Variants in PPP1R3A observed in about 807,000 individuals in gnomAD.
The protein encoded by PPP1R3A is protein phosphatase 1 regulatory subunit 3A.
PPP1R3A carries 29 observed loss-of-function variants against 41.7 expected under a neutral mutation model. That is an observed-to-expected ratio of 0.70 (90% CI 0.52 to 0.95). The LOEUF (loss-of-function observed/expected upper bound fraction) is 0.95, where lower values mean the gene tolerates loss of function less well. Among genes scored for constraint, PPP1R3A ranks in the 40% least tolerant of loss-of-function variants. The pLI, the probability that PPP1R3A is intolerant of heterozygous loss-of-function variation, is 0.00. For synonymous variants in PPP1R3A, 485 were observed against 453.4 expected, an observed-to-expected ratio of 1.07 and a Z score of -0.89; for missense variants, 1,352 against 1,292.4, an observed-to-expected ratio of 1.05 and a Z score of -0.71.
rs979387891 is a variant in PPP1R3A, at chr7:113,891,096, A to C, written c.783-8776T>G. Among the ~76,000 whole-genome samples, 340 of 149,192 alleles carry C rather than the reference A, an allele frequency of 2.3e-3. 2 individuals are homozygous for C. Among genetic ancestry groups the C allele is most frequent in the Middle Eastern group, 6.8e-3 (2 of 292 alleles). On this transcript the variant is annotated intron_variant, in intron 1 of 3. Coordinates refer to ENST00000284601, the MANE Select transcript of PPP1R3A (RefSeq NM_002711.4). ...GGTGGAAAAAAAGCAAAAAAAAAAA[A>C]AAAAAAAAAAAAAAAAAACCCTGCA...
Position 113,904,281 on chromosome 7 carries a change from C to T in PPP1R3A, c.782+13934G>A, listed in dbSNP as rs140993698. ...TAAATCCCAAACCCAGCTTCGCCTG[C>T]TATACATTTCCTGGACTTGATCAAA... is the stretch of plus-strand genomic sequence containing the variant. On this transcript the variant is annotated intron_variant, in intron 1 of 3. Transcript: ENST00000284601. 2.9e-3 allele frequency among the ~76,000 whole-genome samples: 435 copies of T among 151,740 alleles called. 2 individuals are homozygous for T. The highest frequency in any genetic ancestry group is 1.0e-2 in the African/African-American group (415 of 41,502).
chr7:113,897,036 G>A (rs1002728082), intron 1 of PPP1R3A, among the ~76,000 whole-genome samples: 1 of 151,780 alleles, frequency 6.6e-6, no homozygotes, highest in Non-Finnish European at 1.5e-5. Context: ...ATATGTTATG[G>A]TATAACTTTT....
chr7:113,880,583 C>A (rs1215259543), intron 3 of PPP1R3A, among the ~76,000 whole-genome samples: 1 of 152,022 alleles, frequency 6.6e-6, no homozygotes, highest in East Asian at 1.9e-4. Context: ...AGCAAAACGT[C>A]ACTCAAAGAA....
At chr7:113,896,880 A>G (rs1796985348) in intron 1 of PPP1R3A, among the ~76,000 whole-genome samples, 1 of 151,870 alleles carries the variant, frequency 6.6e-6, no homozygotes, top group African/African-American at 2.4e-5. Context: ...AAAAAAACAT[A>G]TGGAGTAAAA....
At position 113,879,679 on chromosome 7, in the gene PPP1R3A, T is replaced by A; in HGVS notation, c.1413A>T (p.Glu471Asp). ...LMAGNLNKKH[E>D]GGAKNIEVKD... ...TTACTTCAATATTTTTAGCTCCTCC[T>A]TCATGTTTTTTATTAAGGTTTCCTG... The change falls in exon 4 of 4, where the codon GAA (glutamate) becomes GAT (aspartate). Residue 471 changes from glutamate to aspartate, a missense_variant. Glu to Asp is a conservative substitution (Grantham distance 45). Transcript: ENST00000284601. 6.2e-7 allele frequency: 1 copy of A among 1,613,218 alleles called. No individual in the cohort carries two copies. The highest frequency in any genetic ancestry group is 8.5e-7 in the Non-Finnish European group (1 of 1,179,660).
chr7:113,912,946 A>G (rs1421470815), intron 1 of PPP1R3A, among the ~76,000 whole-genome samples: 2 of 152,012 alleles, frequency 1.3e-5, no homozygotes. Context: ...CACTCTAGGG[A>G]AAGTCTAGGA....
At chr7:113,906,857 G>T (rs2129119607) in intron 1 of PPP1R3A, among the ~76,000 whole-genome samples, 1 of 151,852 alleles carries the variant, frequency 6.6e-6, no homozygotes, top group South Asian at 2.1e-4. Flanking sequence ...GCAGAAATAG[G>T]CAATATTTAA....
intron 1 of PPP1R3A, among the ~76,000 whole-genome samples, chr7:113,894,801 A>G (rs1796951431): frequency 6.6e-6 from 1 of 151,980 alleles, no homozygotes; most frequent in Non-Finnish European, 1.5e-5. Context: ...AAGTCACCTG[A>G]TTTGTTAAAT....
At chr7:113,893,827 A>G (rs974804366) in intron 1 of PPP1R3A, among the ~76,000 whole-genome samples, 1 of 152,066 alleles carries the variant, frequency 6.6e-6, no homozygotes, top group African/African-American at 2.4e-5. Flanking sequence ...ACTGAAAACA[A>G]GAGGTACTTT....
At chr7:113,900,029 G>T (rs1296428519) in intron 1 of PPP1R3A, among the ~76,000 whole-genome samples, 1 of 151,036 alleles carries the variant, frequency 6.6e-6, no homozygotes, top group African/African-American at 2.4e-5. Context: ...CACTCATGAG[G>T]ATTACCTCTC....
chr7:113,877,587 T>C lies in PPP1R3A; in HGVS notation c.*136A>G. ...AATTACTTATATGAAGGAGCAAACT[T>C]ATTCGCGTCCCTTTTTAAATGATCC... is the stretch of plus-strand genomic sequence containing the variant. On this transcript the variant is annotated 3_prime_UTR_variant, in exon 4 of 4. Coordinates refer to ENST00000284601, the MANE Select transcript of PPP1R3A (RefSeq NM_002711.4). The C allele has an allele frequency of 9.8e-7, 1 of 1,023,482 alleles. No individual in the cohort carries two copies. Among genetic ancestry groups the C allele is most frequent in the Non-Finnish European group, 1.4e-6 (1 of 709,976 alleles). 63.4% of individuals were successfully genotyped at this position (1,023,482 alleles called of 1,614,324 possible).
rs1200768724 is a variant in PPP1R3A at position 113,877,911 on chromosome 7, C to T, written c.3181G>A (p.Ala1061Thr). Reference protein sequence around the residue: ...STSLPVEESQAQGNESLFSKY... With the variant: ...STSLPVEESQTQGNESLFSKY... The stretch of plus-strand genomic sequence containing the variant: ...GAAAACAAAGATTCGTTGCCTTGAG[C>T]TTGACTTTCCTCAACAGGAAGACTA... Residue 1061 changes from alanine (A) to threonine (T), a missense_variant, in exon 4 of 4, where the codon GCT becomes ACT. Physicochemically the swap from Ala to Thr is moderately conservative, Grantham distance 58. Coordinates refer to ENST00000284601, the MANE Select transcript of PPP1R3A (RefSeq NM_002711.4). 3.1e-6 allele frequency: 5 copies of T among 1,613,188 alleles called. No individual in the cohort carries two copies. The highest frequency in any genetic ancestry group is 4.2e-6 in the Non-Finnish European group (5 of 1,179,444).
intron 1 of PPP1R3A, among the ~76,000 whole-genome samples, chr7:113,886,049 A>C (rs1193454736): frequency 6.6e-6 from 1 of 151,364 alleles, no homozygotes; most frequent in Non-Finnish European, 1.5e-5. Context: ...TTAATATTAT[A>C]CTGCTAAGAT....
Position 113,877,977 on chromosome 7 carries a change from A to AC in PPP1R3A, c.3114_3115insG (p.Tyr1039ValfsTer5), listed in dbSNP as rs759820317. The stretch of plus-strand genomic sequence containing the variant: ...TCAGATTCCTTTTCACCTGAAGTGT[A>AC]TAGTGATTGCCCAGAGCTTACTAAT... On this transcript the variant is annotated frameshift_variant, in exon 4 of 4. Transcript: ENST00000284601. LOFTEE classifies it high-confidence loss of function. 1.2e-6 allele frequency: 2 copies of AC among 1,613,372 alleles called. No individual in the cohort carries two copies. Among genetic ancestry groups the AC allele is most frequent in the Non-Finnish European group, 1.7e-6 (2 of 1,179,632 alleles).
Position 113,918,496 on chromosome 7 carries a change from C to T in PPP1R3A, c.501G>A (p.Gln167=). The change falls in exon 1 of 4, where the codon CAG becomes CAA. Residue 167 remains glutamine, a synonymous_variant. Coordinates refer to ENST00000284601, the MANE Select transcript of PPP1R3A (RefSeq NM_002711.4). ...VYVRMSLDDW[Q]THYDILAEYV... ...ATTCTGCTAAAATGTCATAATGTGT[C>T]TGCCAGTCATCTAAAGACATTCTTA... 1 of 1,613,134 alleles carries T rather than the reference C, an allele frequency of 6.2e-7. No individual in the cohort carries two copies. Among genetic ancestry groups the T allele is most frequent in the Non-Finnish European group, 8.5e-7 (1 of 1,179,660 alleles).
intron 1 of PPP1R3A, among the ~76,000 whole-genome samples, chr7:113,899,015 C>T (rs185937782): frequency 1.3e-5 from 2 of 151,858 alleles, no homozygotes; most frequent in Admixed American, 6.6e-5. Flanking sequence ...AGGATAGAAT[C>T]CTAACTAGAA....
chr7:113,916,786 G>T (rs1020985434), intron 1 of PPP1R3A, among the ~76,000 whole-genome samples: 1 of 151,952 alleles, frequency 6.6e-6, no homozygotes, highest in African/African-American at 2.4e-5. Context: ...TGTTAGTGTA[G>T]CTAATGTGTT....
rs1410020864 is a variant in PPP1R3A, at chr7:113,918,371, A to G, written c.626T>C (p.Ile209Thr). The change falls in exon 1 of 4, where the codon ATA becomes ACA. Residue 209 changes from isoleucine (I) to threonine (T), a missense_variant. Coordinates refer to ENST00000284601, the MANE Select transcript of PPP1R3A (RefSeq NM_002711.4). The part of the protein sequence containing the change: ...QKDGSKVEFC[I>T]RYETSVGTFW... The stretch of plus-strand genomic sequence containing the variant: ...TGTACCAACAGAAGTTTCATAACGT[A>G]TACAAAACTCAACTTTACTGCCATC... 4.3e-6 allele frequency: 7 copies of G among 1,613,510 alleles called. No individual in the cohort carries two copies. In the South Asian group the frequency reaches 4.4e-5, roughly 10 times the overall value.
chr7:113,891,100 A>AC (rs1371745122), intron 1 of PPP1R3A, among the ~76,000 whole-genome samples: 2 of 71,646 alleles, frequency 2.8e-5, no homozygotes, highest in African/African-American at 4.2e-5. Context: ...AAAAAAAAAA[A>AC]AAAAAAAAAA....
Sources: allele counts gnomAD v4.1 joint callset (sites outside exome capture counted in the v4.1 genomes callset), GRCh38; gene constraint gnomAD v4.1.1; transcripts MANE v1.5; gene names NCBI Gene and HGNC (gene_info 2026-07-23, HGNC 2026-07-21).